PCED1B: variants seen among roughly 807,000 people sequenced by gnomAD.
PCED1B encodes PC-esterase domain containing 1B.
For synonymous variants in PCED1B, 251 were observed against 246.1 expected (o/e 1.02, Z -0.19); for missense variants, 573 against 573.9 (o/e 1.00, Z 0.02).
chr12:47,119,941 G>A (rs942305028), intron 2 of PCED1B, among the ~76,000 whole-genome samples: 2 of 150,612 alleles, frequency 1.3e-5, no homozygotes, highest in Non-Finnish European at 3.0e-5. Context: ...ACTCCAGCCT[G>A]GGGGACAGAG....
intron 2 of PCED1B, among the ~76,000 whole-genome samples, chr12:47,190,780 T>C (rs1942416470): frequency 6.6e-6 from 1 of 152,228 alleles, no homozygotes; most frequent in Non-Finnish European, 1.5e-5. Context: ...GAAAGGTTAT[T>C]CAAATTGGCT....
chr12:47,215,264 T>C (rs933947779), intron 2 of PCED1B, among the ~76,000 whole-genome samples: 27 of 151,770 alleles, frequency 1.8e-4, no homozygotes, highest in African/African-American at 6.5e-4. Flanking sequence ...CCCTTTTTTT[T>C]TTTTTAAAGA....
intron 2 of PCED1B, among the ~76,000 whole-genome samples, chr12:47,106,025 A>C (rs990069036): frequency 6.6e-6 from 1 of 152,174 alleles, no homozygotes; most frequent in African/African-American, 2.4e-5. Context: ...GGAGAACTTC[A>C]ATATCCTTTC....
rs185854932 is a variant in PCED1B, at chr12:47,196,626, G to A, written c.-525-19596G>A. On this transcript the variant is annotated intron_variant, in intron 2 of 3. Transcript: ENST00000546455. ...GCAGATCACCTGAGGCCAGGAGTTC[G>A]AGACCAGCCTGGCCAACACGGTAAA... Among the ~76,000 whole-genome samples the A allele has an allele frequency of 3.3e-5, 5 of 152,236 alleles. No homozygotes were observed. In the East Asian group the frequency reaches 9.7e-4, roughly 30 times the overall value.
At chr12:47,091,891 T>C (rs1297796260) in intron 1 of PCED1B, among the ~76,000 whole-genome samples, 6 of 152,276 alleles carry the variant, frequency 3.9e-5, no homozygotes, top group African/African-American at 1.4e-4. Context: ...TTGTGTTTCA[T>C]TGGACAGTTA....
At chr12:47,217,448 G>GAAAGAAAAAGAAAGAAAGAA (rs1555154987) in intron 3 of PCED1B, among the ~76,000 whole-genome samples, 20 of 47,396 alleles carry the variant, frequency 4.2e-4, no homozygotes, top group East Asian at 2.0e-3. Context: ...AAGAAAGAAA[G>GAAAGAAAAAGAAAGAAAGAA]AAAGAAAGAA....
At chr12:47,152,854 G>A (rs1941046331) in intron 2 of PCED1B, among the ~76,000 whole-genome samples, 1 of 152,036 alleles carries the variant, frequency 6.6e-6, no homozygotes, top group Non-Finnish European at 1.5e-5. Context: ...AGAATCGCTT[G>A]AACCTGGGAG....
chr12:47,129,337 G>A (rs992821300), intron 2 of PCED1B, among the ~76,000 whole-genome samples: 2 of 151,972 alleles, frequency 1.3e-5, no homozygotes, highest in African/African-American at 4.8e-5. Flanking sequence ...GCCAGGTGTG[G>A]TGGCTTGAGC....
At chr12:47,229,200 G>T (rs566025258) in intron 3 of PCED1B, among the ~76,000 whole-genome samples, 1 of 152,148 alleles carries the variant, frequency 6.6e-6, no homozygotes, top group South Asian at 2.1e-4. Flanking sequence ...GATCACCTGA[G>T]GTCAGGAGTT....
intron 1 of PCED1B, among the ~76,000 whole-genome samples, chr12:47,091,641 A>G (rs1938270602): frequency 6.6e-6 from 1 of 152,126 alleles, no homozygotes; most frequent in Non-Finnish European, 1.5e-5. Flanking sequence ...CAAGGTCATG[A>G]AGATGTTCTA....
intron 2 of PCED1B, chr12:47,135,470 G>T: frequency 2.5e-6 from 1 of 396,756 alleles, no homozygotes. Flanking sequence ...TCCTGGCCCG[G>T]ATGCTGTCTC....
chr12:47,234,109 C>T (rs977667019), intron 3 of PCED1B, among the ~76,000 whole-genome samples: 2 of 152,220 alleles, frequency 1.3e-5, no homozygotes, highest in Non-Finnish European at 2.9e-5. Context: ...CTGCCTCAGC[C>T]TCCCAAGTAG....
At chr12:47,112,943 A>C (rs1399839102) in intron 2 of PCED1B, among the ~76,000 whole-genome samples, 1 of 152,182 alleles carries the variant, frequency 6.6e-6, no homozygotes, top group East Asian at 1.9e-4. Flanking sequence ...CTGTGTGCAA[A>C]AGCAAATGGA....
intron 2 of PCED1B, among the ~76,000 whole-genome samples, chr12:47,140,973 G>A (rs1940568139): frequency 6.6e-6 from 1 of 152,154 alleles, no homozygotes; most frequent in South Asian, 2.1e-4. Flanking sequence ...ACTTTCAGCT[G>A]ACAGACTACA....
At chr12:47,177,679 T>G (rs61927717) in intron 2 of PCED1B, among the ~76,000 whole-genome samples, 7,456 of 152,192 alleles carry the variant, frequency 0.049, 230 homozygotes, top group African/African-American at 0.087. Flanking sequence ...CTGGGCCAGG[T>G]GCAGTAGCTC....
At chr12:47,154,096 T>C (rs1175029934) in intron 2 of PCED1B, among the ~76,000 whole-genome samples, 1 of 152,248 alleles carries the variant, frequency 6.6e-6, no homozygotes, top group Non-Finnish European at 1.5e-5. Context: ...AGCAAGGCGC[T>C]GACTGCCCTT....
intron 2 of PCED1B, among the ~76,000 whole-genome samples, chr12:47,134,452 A>G (rs1940263174): frequency 6.6e-6 from 1 of 152,208 alleles, no homozygotes. Flanking sequence ...AAATACATGT[A>G]TCTGGCTAGA....
chr12:47,222,779 AC>A (rs1172840436), intron 3 of PCED1B, among the ~76,000 whole-genome samples: 1 of 152,130 alleles, frequency 6.6e-6, no homozygotes, highest in East Asian at 1.9e-4. Context: ...GCAGGATCAA[AC>A]CCAGGGGGCC....
chr12:47,119,044 G>A (rs1939559576), intron 2 of PCED1B, among the ~76,000 whole-genome samples: 2 of 152,116 alleles, frequency 1.3e-5, no homozygotes, highest in South Asian at 4.1e-4. Flanking sequence ...TAGTCATATA[G>A]ATCAGTGGAA....
Sources: gnomAD v4.1 joint callset for allele counts (sites outside exome capture counted in the v4.1 genomes callset) on GRCh38, gnomAD v4.1.1 for gene constraint, MANE v1.5 for transcripts, NCBI Gene and HGNC (gene_info 2026-07-23, HGNC 2026-07-21) for gene names.